CARM1: variants seen among roughly 807,000 people sequenced by gnomAD.
The protein encoded by CARM1 is histone-arginine methyltransferase CARM1.
CARM1 carries 14 observed loss-of-function variants against 72.7 expected under a neutral mutation model. That is an observed-to-expected ratio of 0.19 (90% CI 0.13 to 0.30). The LOEUF (loss-of-function observed/expected upper bound fraction) is 0.30. CARM1 is among the 10% of genes least tolerant of loss of function. The pLI, the probability that CARM1 is intolerant of heterozygous loss-of-function variation, is 1.00. For missense variants in CARM1, 432 were observed against 833.7 expected (o/e 0.52, Z 5.93); for synonymous variants, 333 against 345.5 (o/e 0.96, Z 0.40).
At chr19:10,917,786 C>T (rs982886038) in intron 8 of CARM1, among the ~76,000 whole-genome samples, 2 of 140,672 alleles carry the variant, frequency 1.4e-5, no homozygotes, top group Non-Finnish European at 3.0e-5. Flanking sequence ...GGCATGATGT[C>T]AGCTCACTGC....
chr19:10,886,256 A>C (rs1348929031), intron 1 of CARM1, among the ~76,000 whole-genome samples: 2 of 151,446 alleles, frequency 1.3e-5, no homozygotes, highest in African/African-American at 4.8e-5. Flanking sequence ...GGTTTTCTCC[A>C]TGTTGGTCAG....
At position 10,912,116 on chromosome 19, in the gene CARM1, T is replaced by G; in HGVS notation, c.559-68T>G. 4 of 1,098,018 alleles carry G rather than the reference T, an allele frequency of 3.6e-6. No homozygotes were observed. The highest frequency in any genetic ancestry group is 5.6e-6 in the Non-Finnish European group (4 of 708,614). 68.0% of individuals were successfully genotyped at this position (1,098,018 alleles called of 1,614,324 possible). On this transcript the variant is annotated intron_variant, in intron 4 of 15. Transcript: ENST00000327064. The surrounding 1 kb of genome is among the most constrained non-coding windows in gnomAD (Gnocchi z 4.5). ...CGCCTCATGATGTGCACATCCCTTATGATCACTGTCACCTCCCCATCACCG... is the reference window on the plus strand; with the variant it reads ...CGCCTCATGATGTGCACATCCCTTAGGATCACTGTCACCTCCCCATCACCG...
chr19:10,872,418 G>A (rs2073826199), intron 1 of CARM1, among the ~76,000 whole-genome samples: 1 of 152,140 alleles, frequency 6.6e-6, no homozygotes, highest in Non-Finnish European at 1.5e-5. Context: ...TTGCTGGTCT[G>A]GGGCGCCCGC....
chr19:10,882,182 G>A (rs1408030086), intron 1 of CARM1, among the ~76,000 whole-genome samples: 1 of 152,194 alleles, frequency 6.6e-6, no homozygotes, highest in Non-Finnish European at 1.5e-5. Context: ...GCTGATAGAA[G>A]TAAAGTGCTT....
At position 10,912,056 on chromosome 19, in the gene CARM1, G is replaced by T; in HGVS notation, c.559-128G>T. 1.3e-6 allele frequency: 1 copy of T among 758,888 alleles called. No homozygotes were observed. The highest frequency in any genetic ancestry group is 1.5e-5 in the South Asian group (1 of 67,714). 47.0% of individuals were successfully genotyped at this position (758,888 alleles called of 1,614,324 possible). On this transcript the variant is annotated intron_variant, in intron 4 of 15. Coordinates refer to ENST00000327064, the MANE Select transcript of CARM1 (RefSeq NM_199141.2). This position sits in a 1 kb window ranked among gnomAD's most constrained non-coding sequence, Gnocchi z 4.5. Reference sequence around the variant, plus strand: ...AGTTCTCGCTTCATTTTGACCAAGAGCCCATAAAGGGCAAACATTGAGAGT... The same window carrying T: ...AGTTCTCGCTTCATTTTGACCAAGATCCCATAAAGGGCAAACATTGAGAGT...
intron 1 of CARM1, among the ~76,000 whole-genome samples, chr19:10,883,514 C>T (rs2073917364): frequency 1.3e-5 from 2 of 152,196 alleles, no homozygotes; most frequent in South Asian, 4.1e-4. Context: ...TCAGCAGCCT[C>T]CAGATCTGCC....
chr19:10,889,503 AT>A (rs2073965892), intron 1 of CARM1, among the ~76,000 whole-genome samples: 1 of 83,232 alleles, frequency 1.2e-5, no homozygotes, highest in African/African-American at 4.8e-5. Flanking sequence ...TTTTTTTTGT[AT>A]TTTTAGTAGA....
chr19:10,918,387 G>A (rs934762084), intron 8 of CARM1, among the ~76,000 whole-genome samples: 1 of 151,868 alleles, frequency 6.6e-6, no homozygotes, highest in Non-Finnish European at 1.5e-5. Flanking sequence ...CACCATGCCC[G>A]GCTAATTTAT....
intron 1 of CARM1, among the ~76,000 whole-genome samples, chr19:10,881,940 A>C (rs1025260953): frequency 5.3e-5 from 8 of 151,914 alleles, no homozygotes; most frequent in African/African-American, 1.9e-4. Flanking sequence ...GGAGCGCTAA[A>C]TCAGCAATCA....
chr19:10,903,840 C>CT (rs1361589212), intron 1 of CARM1, among the ~76,000 whole-genome samples: 1 of 152,130 alleles, frequency 6.6e-6, no homozygotes, highest in Non-Finnish European at 1.5e-5. Flanking sequence ...GTCCCTAAGA[C>CT]AACAGGCGCA....
chr19:10,917,475 T>A (rs1030806366), intron 8 of CARM1, among the ~76,000 whole-genome samples: 1 of 151,810 alleles, frequency 6.6e-6, no homozygotes, highest in African/African-American at 2.4e-5. Flanking sequence ...AGACTCCGTC[T>A]CAAAAAAAAA....
chr19:10,879,760 C>T lies in CARM1; in HGVS notation c.220+7838C>T, dbSNP rs149329715. Among the ~76,000 whole-genome samples, 204 of 152,260 alleles carry T rather than the reference C, an allele frequency of 1.3e-3. 2 individuals are homozygous for T. Among genetic ancestry groups the T allele is most frequent in the African/African-American group, 4.5e-3 (187 of 41,566 alleles). ...TCCCAAGTAGCTAGGATTATAAGTG[C>T]GTGCAACCACACCCAGATAATTTTT... On this transcript the variant is annotated intron_variant, in intron 1 of 15. Coordinates refer to ENST00000327064, the MANE Select transcript of CARM1 (RefSeq NM_199141.2).
chr19:10,920,397 G>A lies in CARM1; in HGVS notation c.1197-39G>A, dbSNP rs144374986. ...ACAAGGTGGTGGCTCCAGTGGTGGCGCCGGCCCAGTCAAGTATGTGCCTGT... is the reference window on the plus strand; with the variant it reads ...ACAAGGTGGTGGCTCCAGTGGTGGCACCGGCCCAGTCAAGTATGTGCCTGT... On this transcript the variant is annotated intron_variant, in intron 10 of 15. Coordinates refer to ENST00000327064, the MANE Select transcript of CARM1 (RefSeq NM_199141.2). This position sits in a 1 kb window ranked among gnomAD's most constrained non-coding sequence, Gnocchi z 5.3. 3.3e-5 allele frequency: 53 copies of A among 1,588,654 alleles called. No homozygotes were observed. The highest frequency in any genetic ancestry group is 4.4e-5 in the Non-Finnish European group (51 of 1,162,494).
rs372067981 is a variant in CARM1, at chr19:10,912,326, G to A, written c.669+32G>A. The A allele has an allele frequency of 1.8e-5, 27 of 1,526,688 alleles. No individual in the cohort carries two copies. The highest frequency in any genetic ancestry group is 1.6e-4 in the African/African-American group (12 of 73,158). 94.6% of individuals were successfully genotyped at this position (1,526,688 alleles called of 1,614,324 possible). A position where few individuals can be genotyped will look rare whatever the true frequency, so the allele number is the denominator to read the frequency against. ...GGCCCGCTGGTGCCCACCCAGCCTC[G>A]TCCTCGCCCATGAGTGCCATGCCGG... On this transcript the variant is annotated intron_variant, in intron 5 of 15. Coordinates refer to ENST00000327064, the MANE Select transcript of CARM1 (RefSeq NM_199141.2). This position sits in a 1 kb window ranked among gnomAD's most constrained non-coding sequence, Gnocchi z 4.5.
At chr19:10,890,774 CATATATAT>C (rs1396281380) in intron 1 of CARM1, among the ~76,000 whole-genome samples, 9 of 63,610 alleles carry the variant, frequency 1.4e-4, no homozygotes, top group African/African-American at 5.4e-4. Flanking sequence ...TACACACACA[CATATATAT>C]ATATATATAT....
Position 10,908,155 on chromosome 19 carries a change from AC to A in CARM1, c.453+11del, listed in dbSNP as rs1268687109. On this transcript the variant is annotated intron_variant, in intron 3 of 15. Coordinates refer to ENST00000327064, the MANE Select transcript of CARM1 (RefSeq NM_199141.2). ...CGTGCAGTACTTCCAGGTGGGTTGTACTCCCCCTCAGCCAGGCCGCCTCCCC... is the reference window on the plus strand; with the variant it reads ...CGTGCAGTACTTCCAGGTGGGTTGTATCCCCCTCAGCCAGGCCGCCTCCCC... The A allele has an allele frequency of 7.6e-6, 12 of 1,589,146 alleles. No homozygotes were observed. The highest frequency in any genetic ancestry group is 9.5e-6 in the Non-Finnish European group (11 of 1,159,382).
chr19:10,873,516 G>A (rs2073836077), intron 1 of CARM1, among the ~76,000 whole-genome samples: 1 of 151,204 alleles, frequency 6.6e-6, no homozygotes, highest in South Asian at 2.1e-4. Context: ...TTGAACCTGG[G>A]AGGCAGAGGT....
intron 1 of CARM1, among the ~76,000 whole-genome samples, chr19:10,891,420 G>C (rs2032736936): frequency 6.6e-6 from 1 of 152,164 alleles, no homozygotes. Context: ...AGGTCAGGGA[G>C]CCCCGATGCC....
chr19:10,912,896 C>A lies in CARM1; in HGVS notation c.669+602C>A, dbSNP rs2074163673. Among the ~76,000 whole-genome samples the A allele has an allele frequency of 6.6e-6, 1 of 152,208 alleles. No homozygotes were observed. Among genetic ancestry groups the A allele is most frequent in the Non-Finnish European group, 1.5e-5 (1 of 68,042 alleles). On this transcript the variant is annotated intron_variant, in intron 5 of 15. Transcript: ENST00000327064. The surrounding 1 kb of genome is among the most constrained non-coding windows in gnomAD (Gnocchi z 4.5). ...GTCTTCACGTGGCCAACGCTGCTGT[C>A]CTGAGCCCCTCTCCCACATGCGGTT...
Sources: allele counts gnomAD v4.1 joint callset (sites outside exome capture counted in the v4.1 genomes callset), GRCh38; gene constraint gnomAD v4.1.1; non-coding constraint Gnocchi (gnomAD v3.1); transcripts MANE v1.5; gene names NCBI Gene and HGNC (gene_info 2026-07-23, HGNC 2026-07-21).